Variants in RASEF observed in about 807,000 individuals in gnomAD.
The protein encoded by RASEF is ras and EF-hand domain-containing protein.
Under a neutral mutation model 90.1 loss-of-function variants are expected in RASEF, and 68 were observed. The observed-to-expected ratio is 0.75, with a 90% CI of 0.62 to 0.92. RASEF has a LOEUF of 0.92. Ranked by LOEUF, RASEF falls within the 40% of genes least tolerant of loss-of-function variation. The probability of loss-of-function intolerance (pLI) is 0.00; values close to 1 mark genes in which losing one functional copy is unlikely to be tolerated. For synonymous variants in RASEF, 331 were observed against 345.2 expected (o/e 0.96, Z 0.46); for missense variants, 949 against 937.2 (o/e 1.01, Z -0.16).
At chr9:83,021,567 C>T (rs991721655) in intron 3 of RASEF, among the ~76,000 whole-genome samples, 2 of 152,176 alleles carry the variant, frequency 1.3e-5, no homozygotes, top group African/African-American at 4.8e-5. Context: ...GGCATACAAT[C>T]AGCCCTTCAT....
chr9:83,164,704 A>C, the RASEF span, among the ~76,000 whole-genome samples: 1 of 151,830 alleles, frequency 6.6e-6, no homozygotes, highest in African/African-American at 2.4e-5. Context: ...CAGTAACTTT[A>C]AACATCAATG....
At chr9:83,025,970 C>A in intron 1 of RASEF, 49 bp from the exon 2 acceptor site, 1 of 1,397,116 alleles carries the variant, frequency 7.2e-7, no homozygotes, top group Non-Finnish European at 9.7e-7. Flanking sequence ...ATTTTAAAGG[C>A]AACTCTGCAG....
At chr9:83,120,348 T>A in the RASEF span, among the ~76,000 whole-genome samples, 61 of 152,172 alleles carry the variant, frequency 4.0e-4, no homozygotes, top group African/African-American at 1.3e-3. Context: ...AGCTCATTGC[T>A]TTGGCCAAGA....
the RASEF span, among the ~76,000 whole-genome samples, chr9:83,212,945 G>A: frequency 1.3e-5 from 2 of 152,260 alleles, no homozygotes; most frequent in East Asian, 3.9e-4. Context: ...GGGAAAACAA[G>A]GAGAATGATA....
chr9:83,180,551 T>A, the RASEF span, among the ~76,000 whole-genome samples: 1 of 151,922 alleles, frequency 6.6e-6, no homozygotes, highest in Non-Finnish European at 1.5e-5. Context: ...AAGTATGGCA[T>A]GAATCACAGA....
chr9:83,092,110 T>C, the RASEF span, among the ~76,000 whole-genome samples: 1 of 150,244 alleles, frequency 6.7e-6, no homozygotes, highest in Non-Finnish European at 1.5e-5. Flanking sequence ...ATTCTGGCTA[T>C]TTTTTCCAGT....
chr9:83,048,698 C>A (rs1399505777), intron 1 of RASEF: 1 of 985,090 alleles, frequency 1.0e-6, no homozygotes, highest in African/African-American at 1.7e-5. Context: ...AGTGTTATGC[C>A]CTCAATTTAA....
At position 83,001,099 on chromosome 9, in the gene RASEF, A is replaced by G. The variant is rs1354247656; in HGVS notation, c.1234T>C (p.Cys412Arg). 6.2e-7 allele frequency: 1 copy of G among 1,614,114 alleles called. No homozygotes were observed. Among genetic ancestry groups the G allele is most frequent in the Non-Finnish European group, 8.5e-7 (1 of 1,179,956 alleles). ...GGATCACAGAGGGCCAGGGAGTCAC[A>G]GTCCTCATCCACATAGGAAGAGCGG... ...SSRSSYVDED[C>R]DSLALCDPLQ... Residue 412 changes from cysteine to arginine, a missense_variant, in exon 10 of 17, where the codon TGT becomes CGT. Physicochemically the swap from Cys to Arg is radical, Grantham distance 180 (BLOSUM62 -3). Coordinates refer to ENST00000376447, the MANE Select transcript of RASEF (RefSeq NM_152573.4).
At chr9:83,129,203 G>A in the RASEF span, among the ~76,000 whole-genome samples, 4 of 152,050 alleles carry the variant, frequency 2.6e-5, no homozygotes, top group African/African-American at 4.8e-5. Flanking sequence ...TCAGGAGATC[G>A]AGATCATCCT....
chr9:83,165,288 T>C, the RASEF span, among the ~76,000 whole-genome samples: 2 of 152,044 alleles, frequency 1.3e-5, no homozygotes, highest in Non-Finnish European at 2.9e-5. Flanking sequence ...TTTAAGAGAA[T>C]AGAAATCATA....
At chr9:83,092,186 A>G in the RASEF span, among the ~76,000 whole-genome samples, 5 of 151,704 alleles carry the variant, frequency 3.3e-5, no homozygotes, top group Admixed American at 2.0e-4. Context: ...TCACTGACCA[A>G]TCTTGCAAAG....
the RASEF span, among the ~76,000 whole-genome samples, chr9:83,215,886 G>A: frequency 3.3e-5 from 5 of 152,090 alleles, no homozygotes; most frequent in Non-Finnish European, 7.4e-5. Context: ...GAATGCTTTT[G>A]GCCAAAATGT....
At chr9:83,116,285 C>T in the RASEF span, among the ~76,000 whole-genome samples, 2 of 152,108 alleles carry the variant, frequency 1.3e-5, no homozygotes, top group African/African-American at 2.4e-5. Context: ...TCTTTATTGG[C>T]CAGCTGCATC....
At chr9:83,169,538 G>A in the RASEF span, among the ~76,000 whole-genome samples, 3 of 151,626 alleles carry the variant, frequency 2.0e-5, no homozygotes, top group Non-Finnish European at 1.5e-5. Flanking sequence ...CCATATCCTC[G>A]ACAGCATTTG....
the RASEF span, among the ~76,000 whole-genome samples, chr9:83,196,803 C>T: frequency 6.6e-6 from 1 of 152,164 alleles, no homozygotes; most frequent in African/African-American, 2.4e-5. Flanking sequence ...GAGTTTCCTT[C>T]AGGCTGTGAT....
the RASEF span, among the ~76,000 whole-genome samples, chr9:83,128,433 C>A: frequency 6.6e-6 from 1 of 151,830 alleles, no homozygotes; most frequent in Non-Finnish European, 1.5e-5. Flanking sequence ...CACTGTCGTG[C>A]CCAATTTTGA....
chr9:83,033,567 G>A lies in RASEF; in HGVS notation c.432-7646C>T, dbSNP rs76489645. Among the ~76,000 whole-genome samples, 982 of 152,322 alleles carry A rather than the reference G, an allele frequency of 6.4e-3. 9 individuals are homozygous for A. Among genetic ancestry groups the A allele is most frequent in the African/African-American group, 0.023 (944 of 41,576 alleles). On this transcript the variant is annotated intron_variant, in intron 1 of 16. Coordinates refer to ENST00000376447, the MANE Select transcript of RASEF (RefSeq NM_152573.4). ...GAGCACATCCTCAAGGACCGAAAGC[G>A]CACTGAAGGGGGTCGGCGGGGATGT...
chr9:83,129,127 C>G, the RASEF span, among the ~76,000 whole-genome samples: 1 of 152,086 alleles, frequency 6.6e-6, no homozygotes, highest in Non-Finnish European at 1.5e-5. Context: ...GCCTTTGGGG[C>G]CAAAATGGTT....
At chr9:83,096,961 CTCA>C in the RASEF span, among the ~76,000 whole-genome samples, 1 of 152,006 alleles carries the variant, frequency 6.6e-6, no homozygotes, top group Non-Finnish European at 1.5e-5. Flanking sequence ...AGGACATGAA[CTCA>C]TCATTTTTTA....
Sources: allele counts gnomAD v4.1 joint callset (sites outside exome capture counted in the v4.1 genomes callset), GRCh38; gene constraint gnomAD v4.1.1; transcripts MANE v1.5; gene names NCBI Gene and HGNC (gene_info 2026-07-23, HGNC 2026-07-21).